Variants in MTMR7 observed in about 807,000 individuals in gnomAD.
MTMR7 encodes the protein phosphatidylinositol-3-phosphate phosphatase MTMR7.
A neutral mutation model predicts 81.2 loss-of-function variants in MTMR7; 76 were observed. The ratio of observed to expected loss-of-function variants is 0.94; its 90% CI spans 0.78 to 1.13. MTMR7 has a LOEUF of 1.13. Among genes scored for constraint, MTMR7 ranks in the 50% most tolerant of loss-of-function variants. The pLI, the probability that MTMR7 is intolerant of heterozygous loss-of-function variation, is 0.00. For synonymous variants in MTMR7, 372 were observed against 289.8 expected (o/e 1.28, Z -2.88); for missense variants, 1,044 against 820.0 (o/e 1.27, Z -3.34).
rs1816735773 is a variant in MTMR7, at chr8:17,297,274, C to T, written c.*2588G>A. The stretch of plus-strand genomic sequence containing the variant: ...CTTAAAATAGAAGAAAATTCTAAAT[C>T]AATCAATCAGTGAGATATAAACTAA... On this transcript the variant is annotated 3_prime_UTR_variant, in exon 14 of 14. Coordinates refer to ENST00000180173, the MANE Select transcript of MTMR7 (RefSeq NM_004686.5). The T allele has an allele frequency of 6.6e-6, 1 of 151,970 alleles. No homozygotes were observed. Among genetic ancestry groups the T allele is most frequent in the South Asian group, 2.1e-4 (1 of 4,822 alleles). 9.4% of individuals were successfully genotyped at this position (151,970 alleles called of 1,614,324 possible).
chr8:17,369,649 T>TC (rs1820347792), intron 3 of MTMR7, among the ~76,000 whole-genome samples: 1 of 132,882 alleles, frequency 7.5e-6, no homozygotes, highest in Admixed American at 7.3e-5. Flanking sequence ...TTCTTTTTTT[T>TC]TTTTTTTTTT....
At chr8:17,304,546 A>T in intron 11 of MTMR7, 27 bp from the exon 12 acceptor site, 1 of 1,604,206 alleles carries the variant, frequency 6.2e-7, no homozygotes, top group Middle Eastern at 1.8e-4. Context: ...AAGTCTATAA[A>T]TGACCTATTT....
intron 5 of MTMR7, among the ~76,000 whole-genome samples, chr8:17,347,706 C>T (rs182266031): frequency 9.2e-5 from 14 of 152,228 alleles, no homozygotes; most frequent in Admixed American, 8.5e-4. Context: ...TGCCAAAGAC[C>T]ATTCTTGCTC....
chr8:17,341,176 G>A (rs563704344), intron 6 of MTMR7, among the ~76,000 whole-genome samples, 187 bp downstream of exon 6: 1 of 152,326 alleles, frequency 6.6e-6, no homozygotes, highest in African/African-American at 2.4e-5. Flanking sequence ...TTGTATAGTT[G>A]GAGGCTTCAG....
At chr8:17,328,624 T>C (rs1362703497) in intron 7 of MTMR7, among the ~76,000 whole-genome samples, 1 of 152,140 alleles carries the variant, frequency 6.6e-6, no homozygotes, top group Non-Finnish European at 1.5e-5. Context: ...CTGCTAGGCT[T>C]AACAGTTAGA....
intron 1 of MTMR7, among the ~76,000 whole-genome samples, chr8:17,374,879 G>A (rs771749373): frequency 4.6e-5 from 7 of 151,010 alleles, no homozygotes; most frequent in Admixed American, 3.3e-4. Context: ...TCATGAGGTC[G>A]GGAGTTCAAG....
chr8:17,338,449 A>G (rs1186336385), intron 6 of MTMR7, among the ~76,000 whole-genome samples: 3 of 152,188 alleles, frequency 2.0e-5, no homozygotes, highest in Admixed American at 1.3e-4. Context: ...AGGCTTCCCA[A>G]TCTCTCCTCA....
At chr8:17,366,912 A>C (rs1820245168) in intron 3 of MTMR7, among the ~76,000 whole-genome samples, 1 of 151,624 alleles carries the variant, frequency 6.6e-6, no homozygotes, top group Non-Finnish European at 1.5e-5. Context: ...TAGCTGAAAA[A>C]CCATTTAGAG....
chr8:17,298,491 A>G lies in MTMR7; in HGVS notation c.*1371T>C, dbSNP rs1410718477. The G allele has an allele frequency of 1.3e-5, 2 of 152,628 alleles. No homozygotes were observed. Among genetic ancestry groups the G allele is most frequent in the East Asian group, 1.9e-4 (1 of 5,186 alleles). The allele number at this position is 152,628 out of a possible 1,614,324, so 9.5% of individuals were successfully genotyped here. On this transcript the variant is annotated 3_prime_UTR_variant, in exon 14 of 14. Coordinates refer to ENST00000180173, the MANE Select transcript of MTMR7 (RefSeq NM_004686.5). ...ATCTTTCATACTAGAGAGATCAGCA[A>G]TGTTGCTTTCTTGCCCTCGTCCTCA...
At chr8:17,367,532 C>T (rs1243872138) in intron 3 of MTMR7, among the ~76,000 whole-genome samples, 1 of 152,206 alleles carries the variant, frequency 6.6e-6, no homozygotes, top group African/African-American at 2.4e-5. Context: ...AATGAAACAG[C>T]TTCCTGCATT....
intron 3 of MTMR7, among the ~76,000 whole-genome samples, 185 bp from the exon 4 acceptor site, chr8:17,361,459 G>A (rs752878492): frequency 3.3e-5 from 5 of 152,180 alleles, no homozygotes; most frequent in Non-Finnish European, 7.4e-5. Flanking sequence ...CCAATGACAA[G>A]ATGACCTTGG....
intron 1 of MTMR7, among the ~76,000 whole-genome samples, chr8:17,395,937 C>T (rs1821232566): frequency 6.6e-6 from 1 of 152,088 alleles, no homozygotes; most frequent in Non-Finnish European, 1.5e-5. Context: ...TCTTCTCATA[C>T]TGGGAAATGT....
intron 1 of MTMR7, among the ~76,000 whole-genome samples, chr8:17,377,963 C>T (rs1473787055): frequency 2.0e-5 from 3 of 152,100 alleles, no homozygotes; most frequent in African/African-American, 2.4e-5. Context: ...TAAGATAATA[C>T]TTTGAGGCAA....
intron 1 of MTMR7, among the ~76,000 whole-genome samples, chr8:17,383,430 T>A (rs762437121): frequency 1.3e-5 from 2 of 152,188 alleles, no homozygotes; most frequent in Non-Finnish European, 2.9e-5. Context: ...TAACCTTAGC[T>A]GAGACAAAGA....
At chr8:17,359,465 A>G (rs551486938) in intron 4 of MTMR7, among the ~76,000 whole-genome samples, 1 of 151,874 alleles carries the variant, frequency 6.6e-6, no homozygotes, top group African/African-American at 2.4e-5. Context: ...CAATTATGGT[A>G]GCATGTGCCT....
At chr8:17,372,392 C>T (rs981585991) in intron 2 of MTMR7, among the ~76,000 whole-genome samples, 4 of 152,084 alleles carry the variant, frequency 2.6e-5, no homozygotes, top group African/African-American at 9.7e-5. Flanking sequence ...TTGAGGCCAG[C>T]CTGGACAACA....
At chr8:17,312,766 A>G (rs1024203298) in intron 8 of MTMR7, among the ~76,000 whole-genome samples, 1 of 152,126 alleles carries the variant, frequency 6.6e-6, no homozygotes, top group African/African-American at 2.4e-5. Context: ...ATCAGGGAAG[A>G]TATGGTTCTC....
At chr8:17,330,351 G>C (rs7008580) in intron 7 of MTMR7, among the ~76,000 whole-genome samples, 51,399 of 152,114 alleles carry the variant, frequency 0.34, 10,605 homozygotes, top group African/African-American at 0.56. Context: ...AGCGCAGACA[G>C]TGCATGGACA....
intron 4 of MTMR7, among the ~76,000 whole-genome samples, chr8:17,359,528 G>A (rs1355149426): frequency 6.7e-6 from 1 of 149,414 alleles, no homozygotes; most frequent in Non-Finnish European, 1.5e-5. Context: ...TGAGACTGCA[G>A]TGAGCTATAC....
Sources: allele counts gnomAD v4.1 joint callset (sites outside exome capture counted in the v4.1 genomes callset), GRCh38; gene constraint gnomAD v4.1.1; transcripts MANE v1.5; gene names NCBI Gene and HGNC (gene_info 2026-07-23, HGNC 2026-07-21).